The following SLC46A1 variants were observed in gnomAD, a reference collection of about 807,000 sequenced individuals.
The protein encoded by SLC46A1 is solute carrier family 46 member 1.
Under a neutral mutation model 32.1 loss-of-function variants are expected in SLC46A1, and 17 were observed. The ratio of observed to expected loss-of-function variants is 0.53; its 90% CI spans 0.36 to 0.79. The LOEUF (loss-of-function observed/expected upper bound fraction) is 0.79, where lower values mean the gene tolerates loss of function less well. Ranked by LOEUF, SLC46A1 falls within the 30% of genes least tolerant of loss-of-function variation. The pLI is 0.00. For missense variants in SLC46A1, 517 were observed against 588.2 expected (o/e 0.88, Z 1.25); for synonymous variants, 240 against 262.7 (o/e 0.91, Z 0.84).
rs782596558 is a variant in SLC46A1, at chr17:28,405,948, C to A, written c.167G>T (p.Gly56Val). Residue 56 changes from glycine (G) to valine (V), a missense_variant, in exon 1 of 5, where the codon GGC becomes GTC. Physicochemically the swap from Gly to Val is moderately radical, Grantham distance 109. Coordinates refer to ENST00000612814, the MANE Select transcript of SLC46A1 (RefSeq NM_080669.6). ...CCCCCTTTGGCGGGTGCCATTGTAGCCGAGGTCGGCGCTGAAGCGGTGCCA... is the reference window on the plus strand; with the variant it reads ...CCCCCTTTGGCGGGTGCCATTGTAGACGAGGTCGGCGCTGAAGCGGTGCCA... ...YLWHRFSADLGYNGTRQRGGC... is the reference protein window; with the variant it reads ...YLWHRFSADLVYNGTRQRGGC... 49 of 1,611,038 alleles carry A rather than the reference C, an allele frequency of 3.0e-5. No homozygotes were observed. The African/African-American group carries it at 6.3e-4, about 21-fold the overall frequency.
At chr17:28,401,052 G>T in intron 3 of SLC46A1, 1 of 417,192 alleles carries the variant, frequency 2.4e-6, no homozygotes, top group South Asian at 2.2e-5. Context: ...AAAAGTACAT[G>T]TGATATTGTC....
chr17:28,399,818 C>T, intron 4 of SLC46A1, 105 bp from the exon 5 acceptor site: 3 of 1,054,500 alleles, frequency 2.8e-6, no homozygotes, highest in Non-Finnish European at 4.4e-6. Context: ...CCAGGTAGCT[C>T]TCCTGAACCT....
upstream of SLC46A1, chr17:28,406,418 A>G (rs1475264427): frequency 5.6e-6 from 2 of 359,714 alleles, no homozygotes; most frequent in African/African-American, 2.1e-5. This position sits in a 1 kb window ranked among gnomAD's most constrained non-coding sequence, Gnocchi z 4.5. Context: ...CACCACAGAT[A>G]ACAAGAATAT....
intron 4 of SLC46A1, 83 bp from the exon 5 acceptor site, chr17:28,399,796 G>GTCC: frequency 6.8e-7 from 1 of 1,460,292 alleles, no homozygotes; most frequent in Non-Finnish European, 9.6e-7. Context: ...GGATTTACTG[G>GTCC]GGTGGGCTGG....
At position 28,406,092 on chromosome 17, in the gene SLC46A1, G is replaced by A. The variant is rs1555591371; in HGVS notation, c.23C>T (p.Pro8Leu). The A allele has an allele frequency of 1.0e-5, 16 of 1,564,990 alleles. 1 individual carries two copies. In the East Asian group the frequency reaches 3.1e-4, roughly 31 times the overall value. Residue 8 changes from proline to leucine, a missense_variant, in exon 1 of 5, where the codon CCG becomes CTG. Coordinates refer to ENST00000612814, the MANE Select transcript of SLC46A1 (RefSeq NM_080669.6). The surrounding 1 kb of genome is among the most constrained non-coding windows in gnomAD (Gnocchi z 4.5). ...CGCAGGGCGGGCGCGGGGCTTTTCC[G>A]GGGGGCTCGCGCTCCCCTCCATGTG... MEGSASP[P>L]EKPRARPAAA... is the part of the protein sequence containing the mutation.
At position 28,404,804 on chromosome 17, in the gene SLC46A1, C is replaced by T. The variant is rs369228677; in HGVS notation, c.893G>A (p.Cys298Tyr). The change falls in exon 2 of 5, where the codon TGC (cysteine) becomes TAC (tyrosine). Residue 298 changes from cysteine to tyrosine, a missense_variant. Physicochemically the swap from Cys to Tyr is radical, Grantham distance 194. Coordinates refer to ENST00000612814, the MANE Select transcript of SLC46A1 (RefSeq NM_080669.6). ...ATAGCCGATTAGTTTGGAGTCCCAG[C>T]AGAGGGGTGTGCTTAGTTCATAAAG... ...LTLYELSTPL[C>Y]WDSKLIGYGS... The T allele has an allele frequency of 9.9e-6, 16 of 1,613,978 alleles. No homozygotes were observed. The highest frequency in any genetic ancestry group is 1.2e-5 in the Non-Finnish European group (14 of 1,179,896).
Position 28,399,730 on chromosome 17 carries a change from A to C in SLC46A1, c.1323-17T>G. 2 of 1,613,760 alleles carry C rather than the reference A, an allele frequency of 1.2e-6. 1 individual carries two copies. The highest frequency in any genetic ancestry group is 2.2e-5 in the South Asian group (2 of 91,056). On this transcript the variant is annotated splice_polypyrimidine_tract_variant and intron_variant, in intron 4 of 4. Transcript: ENST00000612814. ...TCCAGCATCCTGTGAGAGACCAGAG[A>C]GAGAGTTTGGATTTCATGTGGGGAA... is the stretch of plus-strand genomic sequence containing the variant.
At chr17:28,400,565 G>A in intron 4 of SLC46A1, 45 bp downstream of exon 4, 1 of 1,606,922 alleles carries the variant, frequency 6.2e-7, no homozygotes, top group Non-Finnish European at 8.5e-7. Context: ...AAACTTTTAA[G>A]AGAAAGGGCT....
chr17:28,400,354 A>C, intron 4 of SLC46A1: 2 of 482,510 alleles, frequency 4.1e-6, no homozygotes, highest in Non-Finnish European at 3.8e-6. Context: ...AAATAGGGGA[A>C]CTGGGAGAGA....
chr17:28,395,720 G>T lies in SLC46A1; in HGVS notation c.*3936C>A. The T allele has an allele frequency of 1.6e-6, 1 of 616,410 alleles. No individual in the cohort carries two copies. Among genetic ancestry groups the T allele is most frequent in the Non-Finnish European group, 2.8e-6 (1 of 357,106 alleles). The allele number at this position is 616,410 out of a possible 1,614,324, so 38.2% of individuals were successfully genotyped here. On this transcript the variant is annotated 3_prime_UTR_variant, in exon 5 of 5. Transcript: ENST00000612814. ...TAGCAGCTCTGTGCCAGGAACTCTGGGCAAAGGAAAAATATTTATTTTTTA... is the reference window on the plus strand; with the variant it reads ...TAGCAGCTCTGTGCCAGGAACTCTGTGCAAAGGAAAAATATTTATTTTTTA...
At chr17:28,400,250 G>A (rs2068179562) in intron 4 of SLC46A1, 1 of 286,854 alleles carries the variant, frequency 3.5e-6, no homozygotes, top group South Asian at 4.5e-5. Context: ...AAGCTAGCCT[G>A]TGGCCCAGCC....
At position 28,405,459 on chromosome 17, in the gene SLC46A1, T is replaced by C. The variant is rs2142468275; in HGVS notation, c.238A>G (p.Thr80Ala). ...TAGAGGGTCCAGTGGGAGGTAAGGG[T>C]CTCCACTTCCTGTAGGGGCACAATG... Reference protein sequence around the residue: ...SADPTMQEVETLTSHWTLYMN... With the variant: ...SADPTMQEVEALTSHWTLYMN... Residue 80 changes from threonine (T) to alanine (A), a missense_variant, in exon 2 of 5, where the codon ACC becomes GCC. Thr to Ala is a moderately conservative substitution (Grantham distance 58). Transcript: ENST00000612814. 1 of 1,597,218 alleles carries C rather than the reference T, an allele frequency of 6.3e-7. No homozygotes were observed. The highest frequency in any genetic ancestry group is 8.5e-7 in the Non-Finnish European group (1 of 1,173,360).
chr17:28,402,672 C>T (rs1232362692), intron 2 of SLC46A1: 1 of 205,304 alleles, frequency 4.9e-6, no homozygotes. Context: ...GAGTTCAAAA[C>T]CTGATGCCAT....
Position 28,405,169 on chromosome 17 carries a change from G to A in SLC46A1, c.528C>T (p.Ser176=). ...ASVADVSSSR[S]RTFRMALLEA... The stretch of plus-strand genomic sequence containing the variant: ...CCAGCAGGGCCATCCGGAAGGTGCG[G>A]CTGCGACTGGAGCTGACATCTGCCA... Residue 176 remains serine, a synonymous_variant, in exon 2 of 5, where the codon AGC becomes AGT. Transcript: ENST00000612814. 1 of 1,609,556 alleles carries A rather than the reference G, an allele frequency of 6.2e-7. No individual in the cohort carries two copies. Among genetic ancestry groups the A allele is most frequent in the Non-Finnish European group, 8.5e-7 (1 of 1,177,914 alleles).
In SLC46A1 at chr17:28,396,554, G is replaced by A. The variant is rs953787645; in HGVS notation, c.*3102C>T. 1 of 513,508 alleles carries A rather than the reference G, an allele frequency of 1.9e-6. No homozygotes were observed. The highest frequency in any genetic ancestry group is 3.5e-6 in the Non-Finnish European group (1 of 283,734). 31.8% of individuals were successfully genotyped at this position (513,508 alleles called of 1,614,324 possible). A position where few individuals can be genotyped will look rare whatever the true frequency, so the allele number is the denominator to read the frequency against. ...GGTTGTCTGTCTCCGTCATGGGGAG[G>A]GTCCCTGCTCAGTTCTGGAGACACT... On this transcript the variant is annotated 3_prime_UTR_variant, in exon 5 of 5. Coordinates refer to ENST00000612814, the MANE Select transcript of SLC46A1 (RefSeq NM_080669.6).
chr17:28,399,903 T>C, intron 4 of SLC46A1, 190 bp from the exon 5 acceptor site: 1 of 601,616 alleles, frequency 1.7e-6, no homozygotes, highest in South Asian at 2.0e-5. Flanking sequence ...ATAACTTTTT[T>C]TTTTTTAAGA....
At position 28,395,608 on chromosome 17, in the gene SLC46A1, A is replaced by C; in HGVS notation, c.*4048T>G. 3.1e-6 allele frequency: 1 copy of C among 325,236 alleles called. No individual in the cohort carries two copies. The highest frequency in any genetic ancestry group is 5.8e-6 in the Non-Finnish European group (1 of 172,604). The allele number at this position is 325,236 out of a possible 1,614,324, so 20.1% of individuals were successfully genotyped here. A position where few individuals can be genotyped will look rare whatever the true frequency, so the allele number is the denominator to read the frequency against. On this transcript the variant is annotated 3_prime_UTR_variant, in exon 5 of 5. Transcript: ENST00000612814. The stretch of plus-strand genomic sequence containing the variant: ...CCCTCTTCCTGAAACTATCTAGGCT[A>C]CCCCCATAGCACCCCCCGGGCCCCC...
At position 28,405,245 on chromosome 17, in the gene SLC46A1, C is replaced by A; in HGVS notation, c.452G>T (p.Cys151Phe). 6.3e-7 allele frequency: 1 copy of A among 1,588,872 alleles called. No individual in the cohort carries two copies. The highest frequency in any genetic ancestry group is 1.1e-5 in the South Asian group (1 of 87,944). The change falls in exon 2 of 5, where the codon TGT (cysteine) becomes TTT (phenylalanine). Residue 151 changes from cysteine (C) to phenylalanine (F), a missense_variant. Physicochemically the swap from Cys to Phe is radical, Grantham distance 205 (BLOSUM62 -2). Coordinates refer to ENST00000612814, the MANE Select transcript of SLC46A1 (RefSeq NM_080669.6). ...GCCACCGAAGTCGCCGAGGAGGGCA[C>A]AAAGGATGCGACCCAGCACGAAGTA... ...VGYFVLGRIL[C>F]ALLGDFGGLL...
chr17:28,400,471 G>A, intron 4 of SLC46A1, 139 bp downstream of exon 4: 1 of 1,180,666 alleles, frequency 8.5e-7, no homozygotes, highest in Non-Finnish European at 1.2e-6. Context: ...CCATCTGCAA[G>A]GAGAGGGGCA....
Sources: gnomAD v4.1 joint callset for allele counts on GRCh38, gnomAD v4.1.1 for gene constraint, Gnocchi (gnomAD v3.1) non-coding constraint, MANE v1.5 for transcripts, NCBI Gene and HGNC (gene_info 2026-07-23, HGNC 2026-07-21) for gene names.